The following ARHGAP6 variants were observed in gnomAD, a reference collection of about 807,000 sequenced individuals.
The protein encoded by ARHGAP6 is rho GTPase-activating protein 6.
In ARHGAP6, 16 loss-of-function variants were observed where a neutral mutation model predicts 55.7. The observed-to-expected ratio is 0.29, with a 90% CI of 0.19 to 0.44. ARHGAP6 has a LOEUF of 0.44. Ranked by LOEUF, ARHGAP6 falls within the 20% of genes least tolerant of loss-of-function variation. The probability of loss-of-function intolerance (pLI) is 1.00; values close to 1 mark genes in which losing one functional copy is unlikely to be tolerated. For missense variants in ARHGAP6, 698 were observed against 808.9 expected, an observed-to-expected ratio of 0.86 and a Z score of 1.66; for synonymous variants, 382 against 360.9, an observed-to-expected ratio of 1.06 and a Z score of -0.66.
intron 5 of ARHGAP6, 44 bp downstream of exon 5, chrX:11,186,192 A>G: frequency 8.9e-7 from 1 of 1,123,107 alleles, no homozygotes. Flanking sequence ...TGATGCTTGA[A>G]TAAATGAAAG....
chrX:11,265,908 G>A, intron 1 of ARHGAP6: 1 of 955,477 alleles, frequency 1.0e-6, no homozygotes. Flanking sequence ...TGAATCTTGG[G>A]ACCAAAAATA....
intron 1 of ARHGAP6, among the ~76,000 whole-genome samples, chrX:11,648,467 T>A (rs1050672036): frequency 2.7e-5 from 3 of 112,141 alleles, no homozygotes; most frequent in East Asian, 2.8e-4. Flanking sequence ...TAAAGTTGCA[T>A]CTTACAATTG....
At chrX:11,325,978 T>G (rs111308902) in intron 1 of ARHGAP6, among the ~76,000 whole-genome samples, 30 of 112,102 alleles carry the variant, frequency 2.7e-4, no homozygotes, top group African/African-American at 9.4e-4. Context: ...AGCTGAGGTT[T>G]AGAAACCCTG....
At chrX:11,624,974 A>C (rs1185696602) in intron 1 of ARHGAP6, among the ~76,000 whole-genome samples, 1 of 112,316 alleles carries the variant, frequency 8.9e-6, no homozygotes, top group African/African-American at 3.2e-5. Flanking sequence ...TATCAACCAA[A>C]TTAAAATGGC....
At chrX:11,559,300 G>C (rs1009946423) in intron 1 of ARHGAP6, among the ~76,000 whole-genome samples, 1 of 110,796 alleles carries the variant, frequency 9.0e-6, no homozygotes, top group Non-Finnish European at 1.9e-5. Context: ...TAAGATCTCA[G>C]CATCTTTGTA....
chrX:11,573,127 T>A lies in ARHGAP6; in HGVS notation c.588+91114A>T, dbSNP rs2051548557. Among the ~76,000 whole-genome samples, 3 of 111,463 alleles carry A rather than the reference T, an allele frequency of 2.7e-5. No homozygotes were observed. The South Asian group carries it at 1.1e-3, about 42-fold the overall frequency. On this transcript the variant is annotated intron_variant, in intron 1 of 12. Coordinates refer to ENST00000337414, the MANE Select transcript of ARHGAP6 (RefSeq NM_013427.3). Reference sequence around the variant, plus strand: ...TAGGTTGCGAAAATGTTCTACCATTTTGTAGGTTGCCTGTTCACTCTGATG... The same window carrying A: ...TAGGTTGCGAAAATGTTCTACCATTATGTAGGTTGCCTGTTCACTCTGATG...
intron 1 of ARHGAP6, among the ~76,000 whole-genome samples, chrX:11,388,242 C>T (rs78227950): frequency 0.25 from 28,089 of 110,295 alleles, 3,195 homozygotes; most frequent in East Asian, 0.76. Context: ...TAATGATCAC[C>T]GTTCTAACTG....
chrX:11,606,597 C>A (rs2052038585), intron 1 of ARHGAP6, among the ~76,000 whole-genome samples: 1 of 111,247 alleles, frequency 9.0e-6, no homozygotes. Flanking sequence ...AATCAATGGC[C>A]AGGATCTCCC....
At chrX:11,532,255 T>C (rs921013928) in intron 1 of ARHGAP6, among the ~76,000 whole-genome samples, 7 of 112,870 alleles carry the variant, frequency 6.2e-5, no homozygotes, top group African/African-American at 1.9e-4. Context: ...AAAGTGGATA[T>C]GTTCACGAAC....
chrX:11,347,399 C>T (rs2048802981), intron 1 of ARHGAP6, among the ~76,000 whole-genome samples: 2 of 111,796 alleles, frequency 1.8e-5, no homozygotes, highest in Admixed American at 1.9e-4. Context: ...TTTCCAGAAG[C>T]CTCATAAATT....
intron 1 of ARHGAP6, among the ~76,000 whole-genome samples, chrX:11,371,585 G>A (rs2049144508): frequency 8.9e-6 from 1 of 112,273 alleles, no homozygotes; most frequent in African/African-American, 3.2e-5. Flanking sequence ...GTAATTAAAA[G>A]CTACAATGGA....
At chrX:11,139,621 C>A (rs12395429) in intron 12 of ARHGAP6, 91 bp from the exon 13 acceptor site, 230,818 of 976,450 alleles carry the variant, frequency 0.24, 20,443 homozygotes, top group African/African-American at 0.38. Context: ...CCCACTTCTA[C>A]GACGTCCCCC....
intron 1 of ARHGAP6, among the ~76,000 whole-genome samples, chrX:11,400,498 C>G (rs993537790): frequency 9.4e-6 from 1 of 106,443 alleles, no homozygotes; most frequent in Non-Finnish European, 1.9e-5. Context: ...GAACGTGCCC[C>G]CCCGCACCCC....
At position 11,138,985 on chromosome X, in the gene ARHGAP6, C is replaced by T; in HGVS notation, c.2803G>A (p.Gly935Ser). The part of the protein sequence containing the change: ...KLSSANSLPA[G>S]EQDSPRLGDA... The stretch of plus-strand genomic sequence containing the variant: ...CCCAGGCGCGGACTGTCCTGCTCGC[C>T]CGCTGGCAGGGAGTTGGCGCTGCTC... Residue 935 changes from glycine to serine, a missense_variant, in exon 13 of 13, where the codon GGC (glycine) becomes AGC (serine). Physicochemically the swap from Gly to Ser is moderately conservative, Grantham distance 56. Coordinates refer to ENST00000337414, the MANE Select transcript of ARHGAP6 (RefSeq NM_013427.3). 8.3e-7 allele frequency: 1 copy of T among 1,206,723 alleles called. No individual in the cohort carries two copies. The highest frequency in any genetic ancestry group is 1.8e-5 in the South Asian group (1 of 56,201).
chrX:11,469,245 A>G (rs1428864445), intron 1 of ARHGAP6, among the ~76,000 whole-genome samples: 2 of 112,929 alleles, frequency 1.8e-5, no homozygotes, highest in Admixed American at 1.9e-4. Context: ...TAATCTGCAC[A>G]TAAATCAGGC....
At position 11,420,504 on chromosome X, in the gene ARHGAP6, T is replaced by G. The variant is rs780763951; in HGVS notation, c.589-165797A>C. Among the ~76,000 whole-genome samples the G allele has an allele frequency of 3.6e-5, 4 of 111,342 alleles. No homozygotes were observed. The East Asian group carries it at 8.4e-4, about 24-fold the overall frequency. On this transcript the variant is annotated intron_variant, in intron 1 of 12. Coordinates refer to ENST00000337414, the MANE Select transcript of ARHGAP6 (RefSeq NM_013427.3). ...CTAAAACAGACCATGCTAATGGACA[T>G]GCAGTGACATGGCCAGGAGTTAAGA...
intron 5 of ARHGAP6, among the ~76,000 whole-genome samples, chrX:11,183,118 G>T (rs773653331): frequency 1.2e-4 from 13 of 111,266 alleles, no homozygotes; most frequent in Admixed American, 9.5e-4. Flanking sequence ...ACTACAAATT[G>T]GGTGTAGTGT....
chrX:11,471,291 A>G (rs1453046616), intron 1 of ARHGAP6, among the ~76,000 whole-genome samples: 1 of 112,196 alleles, frequency 8.9e-6, no homozygotes, highest in Non-Finnish European at 1.9e-5. Context: ...AGCCTTTCAC[A>G]CTTGAAAGTT....
intron 1 of ARHGAP6, among the ~76,000 whole-genome samples, chrX:11,479,262 G>C (rs1315315137): frequency 8.9e-6 from 1 of 111,971 alleles, no homozygotes; most frequent in Non-Finnish European, 1.9e-5. Flanking sequence ...ATCTTTCATG[G>C]TGTTTTATTG....
Sources: gnomAD v4.1 joint callset for allele counts (sites outside exome capture counted in the v4.1 genomes callset) on GRCh38, gnomAD v4.1.1 for gene constraint, MANE v1.5 for transcripts, NCBI Gene and HGNC (gene_info 2026-07-23, HGNC 2026-07-21) for gene names.